CCDC88C: variants seen among roughly 807,000 people sequenced by gnomAD.
The protein encoded by CCDC88C is protein Daple.
A neutral mutation model predicts 198.8 loss-of-function variants in CCDC88C; 131 were observed. The observed-to-expected ratio is 0.66, with a 90% CI of 0.57 to 0.76. The LOEUF (loss-of-function observed/expected upper bound fraction) is 0.76. Ranked by LOEUF, CCDC88C falls within the 30% of genes least tolerant of loss-of-function variation. CCDC88C has a pLI of 0.00. For synonymous variants in CCDC88C, 1,166 were observed against 1,114.7 expected (o/e 1.05, Z -0.92); for missense variants, 2,553 against 2,631.6 (o/e 0.97, Z 0.65).
At chr14:91,306,176 G>A (rs1891550698) in intron 18 of CCDC88C, among the ~76,000 whole-genome samples, 1 of 152,212 alleles carries the variant, frequency 6.6e-6, no homozygotes, top group Admixed American at 6.5e-5. Flanking sequence ...GCATGCTGGA[G>A]TTAAAGCTGC....
rs780434120 is a variant in CCDC88C, at chr14:91,297,284, C to A, written c.3966+21G>T. 6 of 1,607,844 alleles carry A rather than the reference C, an allele frequency of 3.7e-6. No individual in the cohort carries two copies. The African/African-American group carries it at 8.0e-5, about 21-fold the overall frequency. ...GGGGACTCATCCCTGTCTCCCGAGGCTCCCCTGGCGCTGGCCTCACCTCAC... is the reference window on the plus strand; with the variant it reads ...GGGGACTCATCCCTGTCTCCCGAGGATCCCCTGGCGCTGGCCTCACCTCAC... On this transcript the variant is annotated intron_variant, in intron 22 of 29. Transcript: ENST00000389857.
At chr14:91,399,854 AAAGAAG>A (rs769890260) in intron 3 of CCDC88C, among the ~76,000 whole-genome samples, 16 of 141,298 alleles carry the variant, frequency 1.1e-4, no homozygotes, top group African/African-American at 2.4e-4. Flanking sequence ...AAAAAAAAAA[AAAGAAG>A]AAGAAGAAGA....
At chr14:91,305,060 C>T (rs1596048320) in intron 19 of CCDC88C, among the ~76,000 whole-genome samples, 2 of 152,134 alleles carry the variant, frequency 1.3e-5, no homozygotes. Context: ...TGGCTAACTT[C>T]GTGAAATCCC....
intron 3 of CCDC88C, among the ~76,000 whole-genome samples, chr14:91,405,116 C>T (rs1886413703): frequency 6.6e-6 from 1 of 152,156 alleles, no homozygotes; most frequent in Non-Finnish European, 1.5e-5. Flanking sequence ...ACTTGCTGAC[C>T]TATGCCCTGC....
intron 3 of CCDC88C, among the ~76,000 whole-genome samples, chr14:91,383,749 C>A (rs972667021): frequency 1.2e-4 from 19 of 152,180 alleles, no homozygotes; most frequent in African/African-American, 4.6e-4. Flanking sequence ...GGTCACAAAC[C>A]ATTTTATTAC....
In CCDC88C at chr14:91,313,601, C is replaced by A. The variant is rs778076298; in HGVS notation, c.2215G>T (p.Glu739Ter). ...AGCAGATCCACGTTCTTCCTCAGCTCCTCCTTCTCACGCTCCAGCTGCTGG... is the reference window on the plus strand; with the variant it reads ...AGCAGATCCACGTTCTTCCTCAGCTACTCCTTCTCACGCTCCAGCTGCTGG... ...ENQQLEREKEELRKNVDLLKA... is the reference protein window; with the variant it reads ...ENQQLEREKE Residue 739 changes from glutamate to a stop codon, truncating the protein, a stop_gained, in exon 15 of 30, where the codon GAG (glutamate) becomes TAG (stop). Transcript: ENST00000389857. LOFTEE classifies it high-confidence loss of function. This position sits in a 1 kb window ranked among gnomAD's most constrained non-coding sequence, Gnocchi z 5.2. The A allele has an allele frequency of 2.5e-6, 4 of 1,612,578 alleles. No individual in the cohort carries two copies. The highest frequency in any genetic ancestry group is 2.7e-5 in the African/African-American group (2 of 74,938).
Position 91,339,345 on chromosome 14 carries a change from C to T in CCDC88C, c.742G>A (p.Asp248Asn). The change falls in exon 8 of 30, where the codon GAC (aspartate) becomes AAC (asparagine). Residue 248 changes from aspartate to asparagine, a missense_variant. By Grantham distance (23) the Asp-to-Asn change is conservative (BLOSUM62 1). Transcript: ENST00000389857. This position sits in a 1 kb window ranked among gnomAD's most constrained non-coding sequence, Gnocchi z 5.8. Reference protein sequence around the residue: ...PSPTSSLSSEDKQHLAVELAD... With the variant: ...PSPTSSLSSENKQHLAVELAD... ...AGCTCTACGGCCAGGTGCTGCTTGT[C>T]TTCGCTAGAGAGGCTGCTGGTGGGG... The T allele has an allele frequency of 6.2e-7, 1 of 1,613,882 alleles. No individual in the cohort carries two copies. Among genetic ancestry groups the T allele is most frequent in the African/African-American group, 1.3e-5 (1 of 75,052 alleles).
intron 28 of CCDC88C, 114 bp from the exon 29 acceptor site, chr14:91,278,325 T>C: frequency 9.4e-7 from 1 of 1,067,834 alleles, no homozygotes; most frequent in Non-Finnish European, 1.3e-6. Flanking sequence ...TAAAATCCCT[T>C]GCCCGAAAAC....
intron 29 of CCDC88C, among the ~76,000 whole-genome samples, chr14:91,275,564 G>C (rs991104201): frequency 2.6e-5 from 4 of 151,580 alleles, no homozygotes; most frequent in Non-Finnish European, 4.4e-5. Context: ...TGCAACCTGA[G>C]CCTCTCGGGT....
chr14:91,335,730 C>CAATCGGAAAGGTTTCAAGTCTGGAAG (rs1489589675), intron 10 of CCDC88C, among the ~76,000 whole-genome samples: 1 of 152,190 alleles, frequency 6.6e-6, no homozygotes, highest in Non-Finnish European at 1.5e-5. Context: ...AAGTCACTCA[C>CAATCGGAAAGGTTTCAAGTCTGGAAG]AATCGGAAAG....
At chr14:91,367,954 T>A (rs1450605292) in intron 3 of CCDC88C, among the ~76,000 whole-genome samples, 1 of 152,062 alleles carries the variant, frequency 6.6e-6, no homozygotes, top group African/African-American at 2.4e-5. Context: ...CCGGATGATT[T>A]TTTTCTCCCC....
intron 3 of CCDC88C, among the ~76,000 whole-genome samples, chr14:91,372,747 G>A (rs1567105855): frequency 6.6e-6 from 1 of 152,078 alleles, no homozygotes; most frequent in Non-Finnish European, 1.5e-5. Context: ...CAGCTTTGGA[G>A]TCCCCTCTGC....
At chr14:91,402,654 T>G (rs1385419602) in intron 3 of CCDC88C, among the ~76,000 whole-genome samples, 2 of 152,198 alleles carry the variant, frequency 1.3e-5, no homozygotes, top group African/African-American at 2.4e-5. Context: ...ACAACAGGGC[T>G]TAGTAGTGGC....
At chr14:91,311,528 G>A (rs1255687274) in intron 15 of CCDC88C, among the ~76,000 whole-genome samples, 6 of 152,154 alleles carry the variant, frequency 3.9e-5, no homozygotes, top group Admixed American at 6.5e-5. Context: ...CTCCACTAGG[G>A]GTGCCCAAGC....
rs1221001525 is a variant in CCDC88C at position 91,313,055 on chromosome 14, A to G, written c.2736+25T>C. The stretch of plus-strand genomic sequence containing the variant: ...ACTACCACCATCTGCCAATCCCCTT[A>G]CAGGCGCCGCCTGTGTTTGCTCACC... On this transcript the variant is annotated intron_variant, in intron 15 of 29. Transcript: ENST00000389857. The surrounding 1 kb of genome is among the most constrained non-coding windows in gnomAD (Gnocchi z 5.2). 1 of 1,540,964 alleles carries G rather than the reference A, an allele frequency of 6.5e-7. No individual in the cohort carries two copies. The highest frequency in any genetic ancestry group is 1.2e-5 in the South Asian group (1 of 80,054).
chr14:91,316,285 G>A (rs1284224408), intron 13 of CCDC88C, among the ~76,000 whole-genome samples: 1 of 152,172 alleles, frequency 6.6e-6, no homozygotes, highest in Non-Finnish European at 1.5e-5. Flanking sequence ...CAGCCACCCA[G>A]TGATCTCCTT....
intron 4 of CCDC88C, among the ~76,000 whole-genome samples, chr14:91,354,237 G>C (rs1893941708): frequency 6.6e-6 from 1 of 152,216 alleles, no homozygotes; most frequent in Admixed American, 6.5e-5. Flanking sequence ...CAACTGTCCT[G>C]TGATTCATCG....
Position 91,273,144 on chromosome 14 carries a change from C to G in CCDC88C, c.5568G>C (p.Leu1856=), listed in dbSNP as rs1335010940. The G allele has an allele frequency of 1.3e-6, 2 of 1,580,304 alleles. No individual in the cohort carries two copies. Among genetic ancestry groups the G allele is most frequent in the Non-Finnish European group, 8.6e-7 (1 of 1,163,512 alleles). The change falls in exon 30 of 30, where the codon CTG becomes CTC. Residue 1856 remains leucine (L), a synonymous_variant. Coordinates refer to ENST00000389857, the MANE Select transcript of CCDC88C (RefSeq NM_001080414.4). This position sits in a 1 kb window ranked among gnomAD's most constrained non-coding sequence, Gnocchi z 5.6. The part of the protein sequence containing the change: ...QSPAPPSSHS[L]ARERTPLVGK... ...CCACAAGTGGGGTCCGCTCCCGGGC[C>G]AGGCTATGGGAGCTGGGGGGTGCGG...
chr14:91,414,305 G>T (rs1886933093), intron 2 of CCDC88C, among the ~76,000 whole-genome samples: 1 of 152,180 alleles, frequency 6.6e-6, no homozygotes, highest in Non-Finnish European at 1.5e-5. Flanking sequence ...CCATTTTACA[G>T]ATGAGGAAAC....
Sources: gnomAD v4.1 joint callset for allele counts (sites outside exome capture counted in the v4.1 genomes callset) on GRCh38, gnomAD v4.1.1 for gene constraint, Gnocchi (gnomAD v3.1) non-coding constraint, MANE v1.5 for transcripts, NCBI Gene and HGNC (gene_info 2026-07-23, HGNC 2026-07-21) for gene names.